Variants in KIAA0319L observed in about 807,000 individuals in gnomAD.
KIAA0319L encodes the protein dyslexia-associated protein KIAA0319-like protein.
In KIAA0319L, 55 loss-of-function variants were observed where a neutral mutation model predicts 120.1. The ratio of observed to expected loss-of-function variants is 0.46; its 90% confidence interval spans 0.37 to 0.57. The LOEUF (loss-of-function observed/expected upper bound fraction) is 0.57, where lower values mean the gene tolerates loss of function less well. Among genes scored for constraint, KIAA0319L ranks in the 20% least tolerant of loss-of-function variants. The pLI is 0.00. For synonymous variants in KIAA0319L, 398 were observed against 471.9 expected, an observed-to-expected ratio of 0.84 and a Z score of 2.03; for missense variants, 1,049 against 1,255.3, an observed-to-expected ratio of 0.84 and a Z score of 2.48.
intron 3 of KIAA0319L, among the ~76,000 whole-genome samples, chr1:35,505,220 A>G (rs1455242071): frequency 6.6e-6 from 1 of 152,184 alleles, no homozygotes. Flanking sequence ...TAAGGCAGAA[A>G]TGATATTCAT....
Position 35,460,309 on chromosome 1 carries a change from A to G in KIAA0319L, c.1423T>C (p.Phe475Leu), listed in dbSNP as rs1472829427. 1 of 1,609,814 alleles carries G rather than the reference A, an allele frequency of 6.2e-7. No homozygotes were observed. Among genetic ancestry groups the G allele is most frequent in the Non-Finnish European group, 8.5e-7 (1 of 1,178,804 alleles). Reference protein sequence around the residue: ...LSKLVPGNYTFSLTVVDSDGA... With the variant: ...LSKLVPGNYTLSLTVVDSDGA... ...TGAAGCTGAATCCTAATTTACCTGA[A>G]AGTGTAGTTCCCAGGGACGAGTTTA... Residue 475 changes from phenylalanine (F) to leucine (L), a missense_variant, in exon 9 of 21, where the codon TTC becomes CTC. Phe to Leu is a conservative substitution (Grantham distance 22, BLOSUM62 0). Coordinates refer to ENST00000325722, the MANE Select transcript of KIAA0319L (RefSeq NM_024874.5).
At chr1:35,544,609 C>T (rs1461394537) in intron 2 of KIAA0319L, among the ~76,000 whole-genome samples, 1 of 152,144 alleles carries the variant, frequency 6.6e-6, no homozygotes, top group South Asian at 2.1e-4. Flanking sequence ...CATGTATATT[C>T]CAAGGTACAT....
In KIAA0319L at chr1:35,450,463, A is replaced by C; in HGVS notation, c.2109T>G (p.Ile703Met). The change falls in exon 14 of 21, where the codon ATT (isoleucine) becomes ATG (methionine). Residue 703 changes from isoleucine (I) to methionine (M), a missense_variant. Ile to Met is a conservative substitution (Grantham distance 10). Transcript: ENST00000325722. ...PIAKITGNVVITLPTSTAELD... is the reference protein window; with the variant it reads ...PIAKITGNVVMTLPTSTAELD... ...GCTCTGCTGTGCTCGTGGGTAGGGT[A>C]ATCACCACATTCCCAGTTATCTTGG... 6.2e-7 allele frequency: 1 copy of C among 1,614,058 alleles called. No individual in the cohort carries two copies. Among genetic ancestry groups the C allele is most frequent in the African/African-American group, 1.3e-5 (1 of 75,048 alleles).
chr1:35,486,825 C>T (rs1051002942), intron 3 of KIAA0319L, among the ~76,000 whole-genome samples: 8 of 151,716 alleles, frequency 5.3e-5, no homozygotes, highest in African/African-American at 1.7e-4. Context: ...TTGGCAGGAT[C>T]GCTTGAGCCC....
chr1:35,444,375 G>A, intron 16 of KIAA0319L, 72 bp from the exon 17 acceptor site: 1 of 1,403,196 alleles, frequency 7.1e-7, no homozygotes. Context: ...CATTTACTAA[G>A]TACCTTCTGT....
rs557623466 is a variant in KIAA0319L at position 35,454,366 on chromosome 1, T to G, written c.1776A>C (p.Gln592His). ...AACCACAAGGCTGGAGCTTACCAGG[T>G]TGCACAATAACAGTCACTTGAGCAG... ...QATAQVTVIV[Q>H]PENNKPPQAD... Residue 592 changes from glutamine to histidine, a missense_variant, in exon 11 of 21, where the codon CAA (glutamine) becomes CAC (histidine). Gln to His is a conservative substitution (Grantham distance 24). Coordinates refer to ENST00000325722, the MANE Select transcript of KIAA0319L (RefSeq NM_024874.5). 2 of 1,613,906 alleles carry G rather than the reference T, an allele frequency of 1.2e-6. No individual in the cohort carries two copies. The highest frequency in any genetic ancestry group is 1.7e-6 in the Non-Finnish European group (2 of 1,179,848).
chr1:35,473,416 C>G (rs1289672561), intron 5 of KIAA0319L, among the ~76,000 whole-genome samples: 1 of 152,092 alleles, frequency 6.6e-6, no homozygotes, highest in African/African-American at 2.4e-5. Flanking sequence ...TATTTCTAAA[C>G]TAACATGTTT....
chr1:35,438,760 G>A (rs1230573610), intron 20 of KIAA0319L: 1 of 152,072 alleles, frequency 6.6e-6, no homozygotes, highest in African/African-American at 2.4e-5. Flanking sequence ...AGGAGACCAA[G>A]GCAGGCAGAT....
At chr1:35,443,163 G>A in intron 17 of KIAA0319L, 135 bp from the exon 18 acceptor site, 1 of 1,006,916 alleles carries the variant, frequency 9.9e-7, no homozygotes, top group Non-Finnish European at 1.5e-6. Context: ...CCCACCTTGG[G>A]CATGGTGCCT....
rs755095859 is a variant in KIAA0319L at position 35,441,033 on chromosome 1, C to T, written c.2962+14G>A. ...GTGCACAGACCTAGAAGCTCTGGCA[C>T]CCAGGGCCCCTACCTGCTCGGGAGG... On this transcript the variant is annotated intron_variant, in intron 20 of 20. Transcript: ENST00000325722. 6.2e-6 allele frequency: 10 copies of T among 1,611,096 alleles called. No individual in the cohort carries two copies. The South Asian group carries it at 1.1e-4, about 18-fold the overall frequency.
At chr1:35,492,202 T>C (rs923537440) in intron 3 of KIAA0319L, among the ~76,000 whole-genome samples, 3 of 152,054 alleles carry the variant, frequency 2.0e-5, no homozygotes, top group Non-Finnish European at 4.4e-5. Flanking sequence ...ATAAATCAAA[T>C]ATAAAAATAC....
intron 18 of KIAA0319L, 147 bp from the exon 19 acceptor site, chr1:35,442,483 G>A (rs1010207819): frequency 3.0e-6 from 2 of 674,580 alleles, no homozygotes; most frequent in Non-Finnish European, 5.3e-6. Flanking sequence ...GGAGTTAAGG[G>A]CAGCTGAAGC....
intron 2 of KIAA0319L, among the ~76,000 whole-genome samples, chr1:35,548,092 G>T (rs565218163): frequency 5.0e-4 from 75 of 151,420 alleles, no homozygotes; most frequent in African/African-American, 1.7e-3. Context: ...CTGCAGTCCA[G>T]CCTGGGCAAC....
intron 3 of KIAA0319L, among the ~76,000 whole-genome samples, chr1:35,495,322 G>A (rs1476542738): frequency 6.6e-6 from 1 of 152,124 alleles, no homozygotes; most frequent in East Asian, 1.9e-4. Context: ...GCAGTGAGCC[G>A]AGATCATGCC....
chr1:35,448,115 CAAG>C, intron 16 of KIAA0319L, 55 bp downstream of exon 16: 1 of 1,494,252 alleles, frequency 6.7e-7, no homozygotes, highest in Non-Finnish European at 9.0e-7. Flanking sequence ...TCAGCTCATT[CAAG>C]AAGCCCGGGG....
At chr1:35,460,577 T>C in intron 8 of KIAA0319L, 140 bp from the exon 9 acceptor site, 2 of 727,432 alleles carry the variant, frequency 2.7e-6, no homozygotes, top group Non-Finnish European at 4.4e-6. Context: ...CTCCAGAATG[T>C]TTCTTCCCTA....
chr1:35,471,040 A>T, intron 5 of KIAA0319L, 80 bp from the exon 6 acceptor site: 2 of 838,382 alleles, frequency 2.4e-6, no homozygotes, highest in East Asian at 4.9e-5. Flanking sequence ...GCCAATAACA[A>T]ATCTCTTCTG....
In KIAA0319L at chr1:35,434,965, C is replaced by T. The variant is rs548927392; in HGVS notation, c.3079G>A (p.Gly1027Ser). Residue 1027 changes from glycine to serine, a missense_variant, in exon 21 of 21, where the codon GGT (glycine) becomes AGT (serine). By Grantham distance (56) the Gly-to-Ser change is moderately conservative. Transcript: ENST00000325722. ...PDREKGKLLH[G>S]QNGSVPNGQT... is the part of the protein sequence containing the mutation. ...CCGTTGGGTACAGAGCCATTCTGAC[C>T]ATGCAGGAGTTTGCCCTTCTCTCGG... 8.1e-6 allele frequency: 13 copies of T among 1,613,996 alleles called. No individual in the cohort carries two copies. The highest frequency in any genetic ancestry group is 1.0e-5 in the Non-Finnish European group (12 of 1,180,052).
chr1:35,442,981 T>C lies in KIAA0319L; in HGVS notation c.2704A>G (p.Lys902Glu). The C allele has an allele frequency of 6.2e-7, 1 of 1,614,206 alleles. No homozygotes were observed. Among genetic ancestry groups the C allele is most frequent in the Non-Finnish European group, 8.5e-7 (1 of 1,180,022 alleles). Residue 902 changes from lysine to glutamate, a missense_variant, in exon 18 of 21, where the codon AAA becomes GAA. Coordinates refer to ENST00000325722, the MANE Select transcript of KIAA0319L (RefSeq NM_024874.5). ...CAAAAAGGGTCACAGATACAGCGTT[T>C]GGTGAACGAGTCACAGTGGCCATGG... is the stretch of plus-strand genomic sequence containing the variant. ...SDHGHCDSFT[K>E]RCICDPFWME...
Sources: gnomAD v4.1 joint callset for allele counts (sites outside exome capture counted in the v4.1 genomes callset) on GRCh38, gnomAD v4.1.1 for gene constraint, MANE v1.5 for transcripts, NCBI Gene and HGNC (gene_info 2026-07-23, HGNC 2026-07-21) for gene names.